TTC6: variants seen among roughly 807,000 people sequenced by gnomAD.
TTC6 encodes the protein tetratricopeptide repeat protein 6.
TTC6 carries 172 observed loss-of-function variants against 210.4 expected under a neutral mutation model. The observed-to-expected ratio is 0.82, with a 90% confidence interval of 0.72 to 0.93. The LOEUF is 0.93. TTC6 is among the 40% of genes least tolerant of loss of function. TTC6 has a pLI of 0.00. For missense variants in TTC6, 2,414 were observed against 2,318.1 expected (o/e 1.04, Z -0.85); for synonymous variants, 804 against 819.6 (o/e 0.98, Z 0.32).
At chr14:37,747,752 G>A (rs1371687366) in intron 10 of TTC6, among the ~76,000 whole-genome samples, 1 of 152,164 alleles carries the variant, frequency 6.6e-6, no homozygotes, top group Non-Finnish European at 1.5e-5. Flanking sequence ...AGATGAATAT[G>A]GAGGTGCAAA....
chr14:37,605,464 T>C (rs2095623415), intron 1 of TTC6, among the ~76,000 whole-genome samples: 1 of 101,472 alleles, frequency 9.9e-6, no homozygotes, highest in Admixed American at 1.2e-4. Flanking sequence ...TGGATTGGTA[T>C]GTGGGTGAGT....
chr14:37,673,323 A>G (rs1375709895), intron 1 of TTC6, among the ~76,000 whole-genome samples: 4 of 152,184 alleles, frequency 2.6e-5, no homozygotes, highest in South Asian at 4.1e-4. Flanking sequence ...TTCTCAAGAA[A>G]GTTACCTGTG....
chr14:37,738,868 G>A (rs2095909491), exon 10 of TTC6: 4 of 1,535,018 alleles, frequency 2.6e-6, no homozygotes, highest in Middle Eastern at 1.8e-4. Flanking sequence ...AAGAGGTTAT[G>A]TTTCAGAAAG....
At chr14:37,640,047 A>G (rs1311352748) in intron 1 of TTC6, among the ~76,000 whole-genome samples, 1 of 151,928 alleles carries the variant, frequency 6.6e-6, no homozygotes. Flanking sequence ...TTTTATTGTA[A>G]CAAGGATTTC....
At chr14:37,693,483 C>G (rs189640830) in intron 3 of TTC6, among the ~76,000 whole-genome samples, 60 of 152,100 alleles carry the variant, frequency 3.9e-4, no homozygotes, top group Non-Finnish European at 7.5e-4. Context: ...TATCAAAATA[C>G]CAATGACATT....
intron 2 of TTC6, among the ~76,000 whole-genome samples, chr14:37,611,873 C>G (rs1456077866): frequency 6.6e-6 from 1 of 152,098 alleles, no homozygotes; most frequent in Admixed American, 6.5e-5. Context: ...TTGGCTCCAA[C>G]TCCTTGGTGG....
chr14:37,617,306 A>G (rs540553560), upstream of TTC6, among the ~76,000 whole-genome samples: 14 of 152,298 alleles, frequency 9.2e-5, no homozygotes, highest in African/African-American at 3.4e-4. Context: ...TTATATATGT[A>G]TGTATTTTTG....
At chr14:37,714,949 G>A (rs1476365105) in intron 6 of TTC6, among the ~76,000 whole-genome samples, 153 bp downstream of exon 8, 9 of 152,174 alleles carry the variant, frequency 5.9e-5, no homozygotes, top group African/African-American at 1.7e-4. Context: ...AGGACATGGC[G>A]AGAGGATTGC....
At chr14:37,832,138 T>C (rs914174052) in intron 29 of TTC6, among the ~76,000 whole-genome samples, 1 of 152,096 alleles carries the variant, frequency 6.6e-6, no homozygotes, top group Admixed American at 6.6e-5. Flanking sequence ...AGGGGTCTAG[T>C]TTCTTTCTTC....
At chr14:37,842,404 GTCTTCCATATAACCT>G (rs1475049503) in exon 31 of TTC6, 11 of 946,464 alleles carry the variant, frequency 1.2e-5, no homozygotes, top group Non-Finnish European at 1.6e-5. Flanking sequence ...GTTATGCTTA[GTCTTCCATATAACCT>G]TCTATGCATT....
intron 1 of TTC6, among the ~76,000 whole-genome samples, chr14:37,662,512 G>A (rs536217446): frequency 1.1e-4 from 16 of 151,908 alleles, no homozygotes; most frequent in African/African-American, 2.7e-4. Flanking sequence ...CAACTTGATC[G>A]TGGTCTTCTA....
chr14:37,784,752 G>T (rs1407292162), intron 14 of TTC6, among the ~76,000 whole-genome samples: 1 of 152,250 alleles, frequency 6.6e-6, no homozygotes, highest in African/African-American at 2.4e-5. Flanking sequence ...TTTTGCAGTG[G>T]CTGGTACTGG....
intron 14 of TTC6, among the ~76,000 whole-genome samples, chr14:37,760,005 A>G (rs1278533297): frequency 1.3e-5 from 2 of 152,206 alleles, no homozygotes; most frequent in African/African-American, 4.8e-5. Context: ...ACTTCTGTCA[A>G]TTCGTCAATC....
chr14:37,825,557 G>T (rs1476762916), intron 27 of TTC6, among the ~76,000 whole-genome samples: 1 of 152,048 alleles, frequency 6.6e-6, no homozygotes, highest in Non-Finnish European at 1.5e-5. Context: ...GTTGCCAGCT[G>T]GTCTTCTCTA....
intron 1 of TTC6, among the ~76,000 whole-genome samples, chr14:37,596,798 CTCATTT>C (rs1210107092): frequency 6.6e-6 from 1 of 152,180 alleles, no homozygotes; most frequent in Non-Finnish European, 1.5e-5. Flanking sequence ...TGTTATTAAT[CTCATTT>C]TAAGAAATGT....
chr14:37,721,511 G>A (rs1261480307), intron 6 of TTC6, among the ~76,000 whole-genome samples: 3 of 152,010 alleles, frequency 2.0e-5, no homozygotes, highest in African/African-American at 7.2e-5. Flanking sequence ...ATACACTCGG[G>A]TGTTTTATTT....
chr14:37,841,136 TG>T (rs890826634), intron 29 of TTC6, among the ~76,000 whole-genome samples: 68 of 152,322 alleles, frequency 4.5e-4, no homozygotes, highest in African/African-American at 1.6e-3. Context: ...CCCAAAGTGC[TG>T]GGATTACAGA....
exon 24 of TTC6, chr14:37,808,811 G>T (rs991527457): frequency 6.5e-7 from 1 of 1,541,598 alleles, no homozygotes; most frequent in Non-Finnish European, 8.7e-7. Context: ...TTATAACAGA[G>T]CATTATGTTA....
intron 3 of TTC6, among the ~76,000 whole-genome samples, chr14:37,692,437 G>C (rs1327634434): frequency 6.6e-6 from 1 of 151,760 alleles, no homozygotes; most frequent in Non-Finnish European, 1.5e-5. Flanking sequence ...CAGAATAAAA[G>C]ACAAAAACCT....
Sources: gnomAD v4.1 joint callset for allele counts (sites outside exome capture counted in the v4.1 genomes callset) on GRCh38, gnomAD v4.1.1 for gene constraint, MANE v1.5 for transcripts, NCBI Gene and HGNC (gene_info 2026-07-23, HGNC 2026-07-21) for gene names.